The following IGSF22 variants were observed in gnomAD, a reference collection of about 807,000 sequenced individuals.
IGSF22 encodes the protein immunoglobulin superfamily, member 22.
A neutral mutation model predicts 127.0 loss-of-function variants in IGSF22; 119 were observed. The ratio of observed to expected loss-of-function variants is 0.94; its 90% confidence interval spans 0.81 to 1.09. The LOEUF (loss-of-function observed/expected upper bound fraction) is 1.09, where lower values mean the gene tolerates loss of function less well. IGSF22 is among the 50% of genes least tolerant of loss of function. IGSF22 has a pLI of 0.00. For synonymous variants in IGSF22, 568 were observed against 664.7 expected, an observed-to-expected ratio of 0.85 and a Z score of 2.24; for missense variants, 1,518 against 1,716.6, an observed-to-expected ratio of 0.88 and a Z score of 2.04.
chr11:18,721,664 T>G lies in IGSF22; in HGVS notation c.249A>C (p.Lys83Asn). The change falls in exon 4 of 23, where the codon AAA becomes AAC. Residue 83 changes from lysine to asparagine, a missense_variant. Physicochemically the swap from Lys to Asn is moderately conservative, Grantham distance 94. Around this residue, in one of 3 missense-constraint regions of IGSF22, gnomAD observed 1,456 missense variants for 1,644.9 expected, o/e 0.89. Coordinates refer to ENST00000513874, the MANE Select transcript of IGSF22 (RefSeq NM_173588.4). ...PQPVTAPEGD[K>N]AVFRARVQGN... ...CCTGCACCCGGGCTCGGAACACGGC[T>G]TTGTCCCCTGCGATGAGCACAGGAC... 7 of 1,614,238 alleles carry G rather than the reference T, an allele frequency of 4.3e-6. No individual in the cohort carries two copies. The highest frequency in any genetic ancestry group is 5.9e-6 in the Non-Finnish European group (7 of 1,180,032).
At chr11:18,714,451 T>C (rs970252284) in intron 12 of IGSF22, 33 bp from the exon 13 acceptor site, 4 of 1,613,976 alleles carry the variant, frequency 2.5e-6, no homozygotes, top group African/African-American at 2.7e-5. Flanking sequence ...AGTGTGAGCA[T>C]AGGCCAGGTC....
chr11:18,715,746 C>G, intron 10 of IGSF22, 30 bp from the exon 11 acceptor site: 3 of 1,583,736 alleles, frequency 1.9e-6, no homozygotes, highest in Non-Finnish European at 2.6e-6. Flanking sequence ...TGGGCCTGCT[C>G]CCAAACCACG....
At chr11:18,720,512 C>T (rs186982602) in intron 4 of IGSF22, among the ~76,000 whole-genome samples, 16 of 152,336 alleles carry the variant, frequency 1.1e-4, no homozygotes, top group African/African-American at 2.6e-4. Flanking sequence ...CTGTCTGCTT[C>T]TCCATCGGAC....
At chr11:18,721,879 G>A in intron 3 of IGSF22, 31 bp downstream of exon 3, 1 of 1,610,362 alleles carries the variant, frequency 6.2e-7, no homozygotes, top group Non-Finnish European at 8.5e-7. Context: ...GCGAAGCACT[G>A]GAGCCCGGTG....
In IGSF22 at chr11:18,709,321, C is replaced by T; in HGVS notation, c.2998+66G>A. On this transcript the variant is annotated intron_variant, in intron 18 of 22. Transcript: ENST00000513874. The surrounding 1 kb of genome is among the most constrained non-coding windows in gnomAD (Gnocchi z 4.8). ...CATCCAATTTTCCTGTGGGATGAGG[C>T]CCCAGAGGAGAAGGTTTGGAGGTAC... 3 of 1,489,102 alleles carry T rather than the reference C, an allele frequency of 2.0e-6. No individual in the cohort carries two copies. Among genetic ancestry groups the T allele is most frequent in the Non-Finnish European group, 2.8e-6 (3 of 1,085,826 alleles). The allele number at this position is 1,489,102 out of a possible 1,614,324, so 92.2% of individuals were successfully genotyped here.
At chr11:18,717,688 A>G (rs1848487474) in intron 9 of IGSF22, among the ~76,000 whole-genome samples, 1 of 152,076 alleles carries the variant, frequency 6.6e-6, no homozygotes, top group African/African-American at 2.4e-5. Flanking sequence ...ATGAGCCACC[A>G]CGCCTGGCCT....
Position 18,706,004 on chromosome 11 carries a change from C to T in IGSF22, c.3723G>A (p.Arg1241=), listed in dbSNP as rs1345607464. The change falls in exon 22 of 23, where the codon CGG becomes CGA. Residue 1241 remains arginine, a synonymous_variant. Transcript: ENST00000513874. ...CGCCCTTGTAGAGGGTCACTGTGGG[C>T]CGCGGGTTCCCAAGGAAGGCGCAGG... The part of the protein sequence containing the change: ...TMTCAFLGNP[R]PTVTLYKGDV... The T allele has an allele frequency of 4.5e-6, 7 of 1,551,570 alleles. No individual in the cohort carries two copies. Among genetic ancestry groups the T allele is most frequent in the African/African-American group, 1.4e-5 (1 of 73,056 alleles).
intron 4 of IGSF22, 64 bp from the exon 5 acceptor site, chr11:18,720,349 A>T: frequency 7.6e-7 from 1 of 1,312,072 alleles, no homozygotes; most frequent in Non-Finnish European, 1.1e-6. Flanking sequence ...TTTCTGTCAG[A>T]TAAGGTAGGA....
chr11:18,720,363 C>T, intron 4 of IGSF22, 78 bp from the exon 5 acceptor site: 4 of 845,262 alleles, frequency 4.7e-6, no homozygotes, highest in Non-Finnish European at 5.5e-6. Context: ...GGTAGGAGGC[C>T]TTTTTTTTTT....
Position 18,704,404 on chromosome 11 carries a change from G to T in IGSF22, c.*64C>A. ...AACTGGGCTTCCTACACTGGGCCAT[G>T]CAGAGGACAGGCCAAGAAACTCCAC... is the stretch of plus-strand genomic sequence containing the variant. On this transcript the variant is annotated 3_prime_UTR_variant, in exon 23 of 23. Transcript: ENST00000513874. 1 of 1,089,448 alleles carries T rather than the reference G, an allele frequency of 9.2e-7. No individual in the cohort carries two copies. Among genetic ancestry groups the T allele is most frequent in the Non-Finnish European group, 1.4e-6 (1 of 726,392 alleles). The allele number at this position is 1,089,448 out of a possible 1,614,324, so 67.5% of individuals were successfully genotyped here. A position where few individuals can be genotyped will look rare whatever the true frequency, so the allele number is the denominator to read the frequency against.
chr11:18,715,941 T>C lies in IGSF22; in HGVS notation c.1247-225A>G, dbSNP rs140377600. Among the ~76,000 whole-genome samples, 273 of 152,362 alleles carry C rather than the reference T, an allele frequency of 1.8e-3. 2 individuals carry two copies. The highest frequency in any genetic ancestry group is 6.6e-3 in the South Asian group (32 of 4,830). ...ACTGTATACAACTCATTTACCTCTCTGAGTCTCAGTTTCCTCGTATGTAAA... is the reference window on the plus strand; with the variant it reads ...ACTGTATACAACTCATTTACCTCTCCGAGTCTCAGTTTCCTCGTATGTAAA... On this transcript the variant is annotated intron_variant, in intron 10 of 22. Coordinates refer to ENST00000513874, the MANE Select transcript of IGSF22 (RefSeq NM_173588.4).
Position 18,710,758 on chromosome 11 carries a change from A to C in IGSF22, c.2469T>G (p.Asn823Lys). ...VTKEAVTITW[N>K]APTQDGGAPV... ...GGGCTCCCCCATCCTGGGTAGGGGCATTCCACGTGATGGTCACGGCTTCTT... is the reference window on the plus strand; with the variant it reads ...GGGCTCCCCCATCCTGGGTAGGGGCCTTCCACGTGATGGTCACGGCTTCTT... Residue 823 changes from asparagine (N) to lysine (K), a missense_variant, in exon 16 of 23, where the codon AAT becomes AAG. Coordinates refer to ENST00000513874, the MANE Select transcript of IGSF22 (RefSeq NM_173588.4). 1 of 1,614,084 alleles carries C rather than the reference A, an allele frequency of 6.2e-7. No homozygotes were observed. Among genetic ancestry groups the C allele is most frequent in the Non-Finnish European group, 8.5e-7 (1 of 1,179,920 alleles).
chr11:18,705,773 G>A (rs1216776014), intron 22 of IGSF22, 44 bp downstream of exon 22: 2 of 1,480,066 alleles, frequency 1.4e-6, no homozygotes, highest in Middle Eastern at 2.4e-4. Context: ...CCAGCCTTTT[G>A]CGCCTCTCCC....
chr11:18,706,848 G>T, intron 21 of IGSF22, 66 bp downstream of exon 21: 1 of 1,274,700 alleles, frequency 7.8e-7, no homozygotes, highest in South Asian at 1.6e-5. Flanking sequence ...TACCCTTTGG[G>T]ACCCTTATGT....
At position 18,704,486 on chromosome 11, in the gene IGSF22, TTTC is replaced by T; in HGVS notation, c.3960_3962del (p.Lys1321del). 6.4e-7 allele frequency: 1 copy of T among 1,550,914 alleles called. No individual in the cohort carries two copies. The highest frequency in any genetic ancestry group is 8.7e-7 in the Non-Finnish European group (1 of 1,146,516). On this transcript the variant is annotated inframe_deletion, in exon 23 of 23. Coordinates refer to ENST00000513874, the MANE Select transcript of IGSF22 (RefSeq NM_173588.4). ...CTGGAGCTCACATGAGGTGCTTTGATTTCTTCTGCAGACTCTCGGTGATGGATG... is the reference window on the plus strand; with the variant it reads ...CTGGAGCTCACATGAGGTGCTTTGATTTCTGCAGACTCTCGGTGATGGATG...
At chr11:18,710,880 T>C (rs61457352) in intron 15 of IGSF22, 52 bp from the exon 16 acceptor site, 88,298 of 1,480,344 alleles carry the variant, frequency 0.06, 3,084 homozygotes, top group South Asian at 0.1. Flanking sequence ...ATGTAGATAT[T>C]TGCCCACCTC....
Position 18,724,289 on chromosome 11 carries a change from C to CA in IGSF22, c.-33-21dup. ...GTGAGACTGGGGAAGAGGATGAGGCCATGAAGGACAAGACAGGGAGTAGGA... is the reference window on the plus strand; with the variant it reads ...GTGAGACTGGGGAAGAGGATGAGGCCAATGAAGGACAAGACAGGGAGTAGGA... On this transcript the variant is annotated intron_variant, in intron 1 of 22. Coordinates refer to ENST00000513874, the MANE Select transcript of IGSF22 (RefSeq NM_173588.4). 1 of 1,290,762 alleles carries CA rather than the reference C, an allele frequency of 7.7e-7. No homozygotes were observed. Among genetic ancestry groups the CA allele is most frequent in the South Asian group, 1.2e-5 (1 of 82,056 alleles). The allele number at this position is 1,290,762 out of a possible 1,614,324, so 80.0% of individuals were successfully genotyped here.
chr11:18,724,940 C>T (rs1164177341), intron 1 of IGSF22, among the ~76,000 whole-genome samples: 1 of 152,058 alleles, frequency 6.6e-6, no homozygotes, highest in African/African-American at 2.4e-5. Context: ...GGTAGCCAGT[C>T]TCTAGGCTCC....
In IGSF22 at chr11:18,709,292, G is replaced by T. The variant is rs943062972; in HGVS notation, c.2998+95C>A. ...TATGGATGACTTTTTCATGATCCTA[G>T]CATCATCCAATTTTCCTGTGGGATG... On this transcript the variant is annotated intron_variant, in intron 18 of 22. Transcript: ENST00000513874. This position sits in a 1 kb window ranked among gnomAD's most constrained non-coding sequence, Gnocchi z 4.8. The T allele has an allele frequency of 2.3e-6, 3 of 1,322,824 alleles. No homozygotes were observed. Among genetic ancestry groups the T allele is most frequent in the African/African-American group, 2.9e-5 (2 of 68,858 alleles). The allele number at this position is 1,322,824 out of a possible 1,614,324, so 81.9% of individuals were successfully genotyped here. A position where few individuals can be genotyped will look rare whatever the true frequency, so the allele number is the denominator to read the frequency against.
Sources: gnomAD v4.1 joint callset for allele counts (sites outside exome capture counted in the v4.1 genomes callset) on GRCh38, gnomAD v4.1.1 for gene constraint, gnomAD v4.1.1 regional missense constraint, Gnocchi (gnomAD v3.1) non-coding constraint, MANE v1.5 for transcripts, NCBI Gene and HGNC (gene_info 2026-07-23, HGNC 2026-07-21) for gene names.